PCDHGA8: variants seen among roughly 807,000 people sequenced by gnomAD.
PCDHGA8 encodes the protein protocadherin gamma subfamily A, 8, also known as protocadherin gamma-A8.
PCDHGA8 carries 45 observed loss-of-function variants against 59.2 expected under a neutral mutation model. The observed-to-expected ratio is 0.76, with a 90% CI of 0.60 to 0.98. The LOEUF is 0.98. Ranked by LOEUF, PCDHGA8 falls within the 50% of genes least tolerant of loss-of-function variation. The probability of loss-of-function intolerance (pLI) is 0.00; values close to 1 mark genes in which losing one functional copy is unlikely to be tolerated. For missense variants in PCDHGA8, 1,257 were observed against 1,196.2 expected, an observed-to-expected ratio of 1.05 and a Z score of -0.75; for synonymous variants, 531 against 519.0, an observed-to-expected ratio of 1.02 and a Z score of -0.32.
At chr5:141,469,312 C>T (rs1387258560) in intron 1 of PCDHGA8, among the ~76,000 whole-genome samples, 2 of 152,064 alleles carry the variant, frequency 1.3e-5, no homozygotes, top group Non-Finnish European at 2.9e-5. Flanking sequence ...CACGATGGCT[C>T]ACGCCTGTAA....
intron 1 of PCDHGA8, among the ~76,000 whole-genome samples, chr5:141,483,207 A>C (rs1225621725): frequency 6.6e-6 from 1 of 152,224 alleles, no homozygotes; most frequent in African/African-American, 2.4e-5. Flanking sequence ...TATTCCATAT[A>C]GATGACAGTC....
chr5:141,419,175 C>T (rs185228661), intron 1 of PCDHGA8: 2 of 1,613,966 alleles, frequency 1.2e-6, no homozygotes, highest in Non-Finnish European at 1.7e-6. Flanking sequence ...AAAACCATAA[C>T]CCTGCACATT....
At position 141,485,009 on chromosome 5, in the gene PCDHGA8, C is replaced by T. The variant is rs531346426; in HGVS notation, c.2425-9798C>T. The T allele has an allele frequency of 6.4e-5, 40 of 628,334 alleles. No homozygotes were observed. Among genetic ancestry groups the T allele is most frequent in the Admixed American group, 5.3e-4 (18 of 33,986 alleles). The allele number at this position is 628,334 out of a possible 1,614,324, so 38.9% of individuals were successfully genotyped here. On this transcript the variant is annotated intron_variant, in intron 1 of 3. Transcript: ENST00000398604. The surrounding 1 kb of genome is among the most constrained non-coding windows in gnomAD (Gnocchi z 5.7). Reference sequence around the variant, plus strand: ...GGTGGTGAAAGGCAGACAAATCTACCCCGCCACCAGCAAAAACGGCGCGTA... The same window carrying T: ...GGTGGTGAAAGGCAGACAAATCTACTCCGCCACCAGCAAAAACGGCGCGTA...
chr5:141,414,348 G>A (rs1390188717), intron 1 of PCDHGA8: 1 of 1,613,818 alleles, frequency 6.2e-7, no homozygotes, highest in South Asian at 1.1e-5. Flanking sequence ...GTTCCATTTT[G>A]GCGTATCTAC....
chr5:141,431,921 G>C lies in PCDHGA8; in HGVS notation c.2424+36684G>C, dbSNP rs775520324. ...CGGACAGGTGATCTGTTTCATCCAA[G>C]GAAATCTGCCCTTTAAATTAGAAAA... On this transcript the variant is annotated intron_variant, in intron 1 of 3. Transcript: ENST00000398604. This position sits in a 1 kb window ranked among gnomAD's most constrained non-coding sequence, Gnocchi z 4.8. 8.7e-6 allele frequency: 14 copies of C among 1,614,024 alleles called. No individual in the cohort carries two copies. Among genetic ancestry groups the C allele is most frequent in the Non-Finnish European group, 1.2e-5 (14 of 1,179,998 alleles).
At chr5:141,463,728 G>C (rs957615020) in intron 1 of PCDHGA8, among the ~76,000 whole-genome samples, 3 of 152,066 alleles carry the variant, frequency 2.0e-5, no homozygotes, top group African/African-American at 7.2e-5. Context: ...TTACAGGCAT[G>C]AGCCACCGCG....
intron 1 of PCDHGA8, among the ~76,000 whole-genome samples, chr5:141,468,994 T>C (rs2099188173): frequency 6.7e-6 from 1 of 148,824 alleles, no homozygotes; most frequent in Non-Finnish European, 1.5e-5. Context: ...ATTATTGTTT[T>C]TGCTGGGTGC....
At chr5:141,433,123 C>T (rs575738328) in intron 1 of PCDHGA8, 5 of 1,614,116 alleles carry the variant, frequency 3.1e-6, no homozygotes, top group African/African-American at 2.7e-5. Context: ...TTGAAAAAAG[C>T]GAGCCCCTTT....
chr5:141,422,871 G>A (rs769543752), intron 1 of PCDHGA8: 1 of 1,614,216 alleles, frequency 6.2e-7, no homozygotes, highest in Admixed American at 1.7e-5. Context: ...GCAACGTGTC[G>A]CTGAGCCTGT....
intron 2 of PCDHGA8, among the ~76,000 whole-genome samples, chr5:141,501,102 C>G (rs951290710): frequency 2.0e-5 from 3 of 152,014 alleles, no homozygotes; most frequent in African/African-American, 4.8e-5. Flanking sequence ...CTCTTGACCT[C>G]GTGATCCGCC....
chr5:141,491,666 G>T lies in PCDHGA8; in HGVS notation c.2425-3141G>T, dbSNP rs373526771. Reference sequence around the variant, plus strand: ...CTGGCGCTGGAGCCTGACGCCATCCGGTCCCGCTCTAATACGCTGCGGGAG... The same window carrying T: ...CTGGCGCTGGAGCCTGACGCCATCCTGTCCCGCTCTAATACGCTGCGGGAG... On this transcript the variant is annotated intron_variant, in intron 1 of 3. Transcript: ENST00000398604. This position sits in a 1 kb window ranked among gnomAD's most constrained non-coding sequence, Gnocchi z 6.9. 1.2e-6 allele frequency: 2 copies of T among 1,613,732 alleles called. No homozygotes were observed. Among genetic ancestry groups the T allele is most frequent in the Non-Finnish European group, 1.7e-6 (2 of 1,180,008 alleles).
At chr5:141,456,336 G>A (rs2098850873) in intron 1 of PCDHGA8, among the ~76,000 whole-genome samples, 1 of 152,242 alleles carries the variant, frequency 6.6e-6, no homozygotes, top group Non-Finnish European at 1.5e-5. Context: ...TGATCTAAGG[G>A]TCCTCGGAAG....
chr5:141,410,653 A>G (rs1272999564), intron 1 of PCDHGA8: 9 of 1,589,886 alleles, frequency 5.7e-6, no homozygotes, highest in Non-Finnish European at 7.7e-6. Context: ...TGATTTATCT[A>G]ATAGTCTACT....
Position 141,487,059 on chromosome 5 carries a change from G to A in PCDHGA8, c.2425-7748G>A, listed in dbSNP as rs760836605. 1.7e-5 allele frequency: 27 copies of A among 1,613,952 alleles called. No homozygotes were observed. Among genetic ancestry groups the A allele is most frequent in the Non-Finnish European group, 2.0e-5 (24 of 1,179,994 alleles). On this transcript the variant is annotated intron_variant, in intron 1 of 3. Transcript: ENST00000398604. This position sits in a 1 kb window ranked among gnomAD's most constrained non-coding sequence, Gnocchi z 5.0. ...GTCTCTCGATATGCTGGGGAGGTGC[G>A]GACGGCTGTTCCTATCCCAGCTGAC...
chr5:141,394,373 C>G lies in PCDHGA8; in HGVS notation c.1560C>G (p.Phe520Leu). Residue 520 changes from phenylalanine to leucine, a missense_variant, in exon 1 of 4, where the codon TTC (phenylalanine) becomes TTG (leucine). Phe to Leu is a conservative substitution (Grantham distance 22). Transcript: ENST00000398604. ...DTGVLYALQS[F>L]DYEQIRDLQL... ...GTGTCCTGTATGCGCTGCAATCTTT[C>G]GACTATGAGCAGATCCGAGACCTGC... The G allele has an allele frequency of 1.2e-6, 2 of 1,614,206 alleles. No homozygotes were observed. The highest frequency in any genetic ancestry group is 8.5e-7 in the Non-Finnish European group (1 of 1,180,030).
chr5:141,458,273 G>C, intron 1 of PCDHGA8, among the ~76,000 whole-genome samples: 1 of 152,158 alleles, frequency 6.6e-6, no homozygotes, highest in Non-Finnish European at 1.5e-5. Context: ...AGGAACAACA[G>C]GGTTCCTGGT....
rs1167812243 is a variant in PCDHGA8, at chr5:141,414,179, C to T, written c.2424+18942C>T. ...GATGGAGGAGCATATCTTGCAACTG[C>T]AAAAGTGTTGATTACAGTAGAAGAT... On this transcript the variant is annotated intron_variant, in intron 1 of 3. Transcript: ENST00000398604. 3 of 1,608,128 alleles carry T rather than the reference C, an allele frequency of 1.9e-6. No individual in the cohort carries two copies. In the South Asian group the frequency reaches 3.3e-5, roughly 18 times the overall value.
chr5:141,426,311 G>C (rs895147447), intron 1 of PCDHGA8: 7 of 173,614 alleles, frequency 4.0e-5, no homozygotes, highest in Middle Eastern at 2.9e-3. Context: ...AAGCAGAGAA[G>C]CAGGACCCGG....
In PCDHGA8 at chr5:141,489,662, G is replaced by C; in HGVS notation, c.2425-5145G>C. 8.1e-6 allele frequency: 13 copies of C among 1,614,144 alleles called. No individual in the cohort carries two copies. The highest frequency in any genetic ancestry group is 1.1e-5 in the Non-Finnish European group (13 of 1,180,010). On this transcript the variant is annotated intron_variant, in intron 1 of 3. Coordinates refer to ENST00000398604, the MANE Select transcript of PCDHGA8 (RefSeq NM_032088.2). This position sits in a 1 kb window ranked among gnomAD's most constrained non-coding sequence, Gnocchi z 4.5. The stretch of plus-strand genomic sequence containing the variant: ...TTTGCCACCCCTGAGCGAGAGATGC[G>C]CATCTCAGAATCAGCAGCATCTGGG...
Sources: allele counts gnomAD v4.1 joint callset (sites outside exome capture counted in the v4.1 genomes callset), GRCh38; gene constraint gnomAD v4.1.1; non-coding constraint Gnocchi (gnomAD v3.1); transcripts MANE v1.5; gene names NCBI Gene and HGNC (gene_info 2026-07-23, HGNC 2026-07-21).